GFM2: variants seen among roughly 807,000 people sequenced by gnomAD.
GFM2 encodes the protein GTP dependent ribosome recycling factor mitochondrial 2, also known as ribosome-releasing factor 2, mitochondrial.
In GFM2, 72 loss-of-function variants were observed where a neutral mutation model predicts 95.4. The observed-to-expected ratio is 0.76, with a 90% CI of 0.62 to 0.92. The LOEUF (loss-of-function observed/expected upper bound fraction) is 0.92, where lower values mean the gene tolerates loss of function less well. Ranked by LOEUF, GFM2 falls within the 40% of genes least tolerant of loss-of-function variation. GFM2 has a pLI of 0.00. For synonymous variants in GFM2, 276 were observed against 317.5 expected, an observed-to-expected ratio of 0.87 and a Z score of 1.39; for missense variants, 825 against 924.1, an observed-to-expected ratio of 0.89 and a Z score of 1.39.
chr5:74,721,436 G>T lies in GFM2; in HGVS notation c.*219C>A. The T allele has an allele frequency of 1.4e-6, 1 of 699,778 alleles. No homozygotes were observed. Among genetic ancestry groups the T allele is most frequent in the Admixed American group, 2.3e-5 (1 of 43,544 alleles). 43.3% of individuals were successfully genotyped at this position (699,778 alleles called of 1,614,324 possible). On this transcript the variant is annotated 3_prime_UTR_variant, in exon 21 of 21. Coordinates refer to ENST00000296805, the MANE Select transcript of GFM2 (RefSeq NM_032380.5). ...CTTCATAGATGAACAGCATGATTCA[G>T]GTACAGTGGCTTTAAACATCAAAGC...
At position 74,763,758 on chromosome 5, in the gene GFM2, T is replaced by A; in HGVS notation, c.-16A>T. On this transcript the variant is annotated 5_prime_UTR_variant, in exon 2 of 21. Coordinates refer to ENST00000296805, the MANE Select transcript of GFM2 (RefSeq NM_032380.5). ...TGGTCAACATCTTGATCCTCCAAAC[T>A]GTTACTGTCTGAAAAAATAAATATA... is the stretch of plus-strand genomic sequence containing the variant. The A allele has an allele frequency of 6.3e-7, 1 of 1,597,590 alleles. No homozygotes were observed. The highest frequency in any genetic ancestry group is 1.1e-5 in the South Asian group (1 of 90,656).
chr5:74,755,667 TAA>T (rs2112342236), intron 5 of GFM2, among the ~76,000 whole-genome samples: 1 of 152,214 alleles, frequency 6.6e-6, no homozygotes, highest in South Asian at 2.1e-4. Flanking sequence ...CCTCCTAGAT[TAA>T]ACCAGGAAGA....
intron 5 of GFM2, among the ~76,000 whole-genome samples, chr5:74,758,083 TTA>T (rs957755929): frequency 1.2e-4 from 19 of 152,346 alleles, no homozygotes; most frequent in African/African-American, 3.8e-4. Flanking sequence ...ATGGTAAATT[TTA>T]TGTTTTTTTA....
intron 15 of GFM2, among the ~76,000 whole-genome samples, chr5:74,735,308 T>TA (rs1170051517): frequency 6.6e-6 from 1 of 152,202 alleles, no homozygotes; most frequent in African/African-American, 2.4e-5. Context: ...GGGGCTGTCT[T>TA]ACATCTATAT....
intron 19 of GFM2, among the ~76,000 whole-genome samples, chr5:74,723,842 G>A (rs1750029649): frequency 6.6e-6 from 1 of 152,060 alleles, no homozygotes; most frequent in African/African-American, 2.4e-5. Flanking sequence ...CCAATTCCCT[G>A]CTTCCTACTA....
rs145235989 is a variant in GFM2, at chr5:74,753,507, G to T, written c.305-2014C>A. Among the ~76,000 whole-genome samples the T allele has an allele frequency of 6.4e-4, 98 of 152,274 alleles. No individual in the cohort carries two copies. In the East Asian group the frequency reaches 9.1e-3, roughly 14 times the overall value. ...AGCTACTCAAGAGGCTGAGGTGGGA[G>T]AATTGCTTGAACCTGGGAGGTGGAG... On this transcript the variant is annotated intron_variant, in intron 5 of 20. Transcript: ENST00000296805.
rs753195487 is a variant in GFM2 at position 74,741,526 on chromosome 5, T to C, written c.930+3A>G. ...GTGAAAGCCATTGAATAATAAAATT[T>C]ACCTTTTCAGCTGGTAACAAATCAA... On this transcript the variant is annotated splice_donor_region_variant and intron_variant, in intron 11 of 20. Transcript: ENST00000296805. The C allele has an allele frequency of 3.6e-5, 51 of 1,431,216 alleles. No homozygotes were observed. Among genetic ancestry groups the C allele is most frequent in the Admixed American group, 9.1e-5 (5 of 55,016 alleles). 88.7% of individuals were successfully genotyped at this position (1,431,216 alleles called of 1,614,324 possible).
At chr5:74,745,644 A>G (rs1294439504) in intron 10 of GFM2, 34 bp downstream of exon 10, 2 of 1,533,422 alleles carry the variant, frequency 1.3e-6, no homozygotes, top group Non-Finnish European at 1.8e-6. Context: ...TGGTGCACAC[A>G]TTGGTGTTCA....
intron 14 of GFM2, among the ~76,000 whole-genome samples, chr5:74,737,871 T>C (rs986275532): frequency 1.3e-5 from 2 of 152,132 alleles, no homozygotes; most frequent in African/African-American, 2.4e-5. Flanking sequence ...ATCTATGGAC[T>C]GTAGGGCATT....
intron 17 of GFM2, among the ~76,000 whole-genome samples, chr5:74,727,861 A>G (rs563349116): frequency 1.6e-3 from 237 of 152,248 alleles, no homozygotes; most frequent in Non-Finnish European, 2.3e-3. Context: ...AACATCTATC[A>G]TGTCAAAAAA....
At chr5:74,766,139 C>T (rs1410067217) in intron 1 of GFM2, among the ~76,000 whole-genome samples, 5 of 152,228 alleles carry the variant, frequency 3.3e-5, no homozygotes, top group African/African-American at 1.2e-4. Flanking sequence ...AACCTCATCT[C>T]TACAAAAACT....
intron 5 of GFM2, among the ~76,000 whole-genome samples, chr5:74,753,853 A>G (rs1743840204): frequency 6.6e-6 from 1 of 152,196 alleles, no homozygotes; most frequent in Non-Finnish European, 1.5e-5. Flanking sequence ...TCCAAATACC[A>G]GAAGCTCAAA....
In GFM2 at chr5:74,745,823, A is replaced by G. The variant is rs751674038; in HGVS notation, c.704T>C (p.Val235Ala). The G allele has an allele frequency of 2.6e-5, 42 of 1,611,898 alleles. 1 individual carries two copies. In the South Asian group the frequency reaches 4.6e-4, roughly 18 times the overall value. ...TTTTTCTTTCATTACTACATCCACC[A>G]CTCCTTTGAAAGTTTTGGCTTCACC... Reference protein sequence around the residue: ...PIGEAKTFKGVVDVVMKEKLL... With the variant: ...PIGEAKTFKGAVDVVMKEKLL... Residue 235 changes from valine (V) to alanine (A), a missense_variant, in exon 10 of 21, where the codon GTG becomes GCG. Val to Ala is a moderately conservative substitution (Grantham distance 64). Coordinates refer to ENST00000296805, the MANE Select transcript of GFM2 (RefSeq NM_032380.5).
intron 15 of GFM2, 102 bp downstream of exon 15, chr5:74,736,694 A>G (rs929165913): frequency 1.0e-5 from 16 of 1,542,178 alleles, no homozygotes; most frequent in Non-Finnish European, 1.3e-5. Context: ...ATTCAGATAA[A>G]ATTTACCTCA....
intron 17 of GFM2, among the ~76,000 whole-genome samples, chr5:74,727,614 G>T (rs1330051316): frequency 6.6e-6 from 1 of 152,130 alleles, no homozygotes; most frequent in Non-Finnish European, 1.5e-5. Flanking sequence ...TCTATACTTG[G>T]TATTCAAATT....
intron 6 of GFM2, 110 bp from the exon 7 acceptor site, chr5:74,750,777 A>G (rs1743659724): frequency 4.2e-6 from 3 of 709,288 alleles, no homozygotes; most frequent in South Asian, 1.7e-5. Flanking sequence ...ATATATGTGT[A>G]TATATATAAA....
chr5:74,731,551 GCT>G, intron 16 of GFM2, among the ~76,000 whole-genome samples: 1 of 152,212 alleles, frequency 6.6e-6, no homozygotes, highest in Middle Eastern at 3.4e-3. Context: ...CCCAGACTTT[GCT>G]CTAAGTGTCT....
chr5:74,729,120 T>A (rs1373124287), intron 17 of GFM2, among the ~76,000 whole-genome samples: 1 of 152,166 alleles, frequency 6.6e-6, no homozygotes, highest in Non-Finnish European at 1.5e-5. Context: ...TTCCTTGGGA[T>A]ACTACCAAGC....
rs1744177722 is a variant in GFM2 at position 74,759,555 on chromosome 5, A to C, written c.149-129T>G. On this transcript the variant is annotated intron_variant, in intron 3 of 20. Transcript: ENST00000296805. ...AAATAAAGTAAAATTCAAGCTAAATAAATCTAAAATAAACTAAAATTTATT... is the reference window on the plus strand; with the variant it reads ...AAATAAAGTAAAATTCAAGCTAAATCAATCTAAAATAAACTAAAATTTATT... 5.5e-6 allele frequency: 3 copies of C among 549,356 alleles called. No homozygotes were observed. The South Asian group carries it at 9.3e-5, about 17-fold the overall frequency. 34.0% of individuals were successfully genotyped at this position (549,356 alleles called of 1,614,324 possible). A position where few individuals can be genotyped will look rare whatever the true frequency, so the allele number is the denominator to read the frequency against.
Sources: gnomAD v4.1 joint callset for allele counts (sites outside exome capture counted in the v4.1 genomes callset) on GRCh38, gnomAD v4.1.1 for gene constraint, MANE v1.5 for transcripts, NCBI Gene and HGNC (gene_info 2026-07-23, HGNC 2026-07-21) for gene names.